SYTL2: variants seen among roughly 807,000 people sequenced by gnomAD.
SYTL2 encodes synaptotagmin like 2, also known as synaptotagmin-like protein 2.
SYTL2 carries 165 observed loss-of-function variants against 198.7 expected under a neutral mutation model. The ratio of observed to expected loss-of-function variants is 0.83; its 90% confidence interval spans 0.73 to 0.94. The LOEUF (loss-of-function observed/expected upper bound fraction) is 0.94. SYTL2 is among the 40% of genes least tolerant of loss of function. The pLI, the probability that SYTL2 is intolerant of heterozygous loss-of-function variation, is 0.00. For synonymous variants in SYTL2, 966 were observed against 917.7 expected (o/e 1.05, Z -0.95); for missense variants, 2,835 against 2,582.8 (o/e 1.10, Z -2.12).
upstream of SYTL2, among the ~76,000 whole-genome samples, chr11:85,815,111 A>T (rs1460586737): frequency 6.6e-6 from 1 of 152,234 alleles, no homozygotes; most frequent in Non-Finnish European, 1.5e-5. Context: ...ACTTATACAC[A>T]ATAGGCACTA....
chr11:85,844,462 G>C, the SYTL2 span, among the ~76,000 whole-genome samples: 3 of 152,098 alleles, frequency 2.0e-5, no homozygotes, highest in African/African-American at 4.8e-5. Flanking sequence ...ATGGAAGTTA[G>C]AATGTATACT....
At chr11:85,764,504 T>A (rs758237237) in intron 1 of SYTL2, among the ~76,000 whole-genome samples, 1 of 152,206 alleles carries the variant, frequency 6.6e-6, no homozygotes, top group Non-Finnish European at 1.5e-5. Context: ...TTTCACTGCA[T>A]CACTAATCCC....
intron 19 of SYTL2, among the ~76,000 whole-genome samples, chr11:85,695,901 T>C (rs1324600150): frequency 6.6e-6 from 1 of 152,228 alleles, no homozygotes; most frequent in Non-Finnish European, 1.5e-5. Context: ...GGACCATAAA[T>C]GTTTTTGCAG....
intron 1 of SYTL2, among the ~76,000 whole-genome samples, chr11:85,783,407 C>A (rs1466798765): frequency 6.6e-6 from 1 of 152,148 alleles, no homozygotes; most frequent in Non-Finnish European, 1.5e-5. Context: ...ATGGGAACTA[C>A]AATTCAAGAT....
intron 1 of SYTL2, among the ~76,000 whole-genome samples, chr11:85,807,650 G>GT (rs1566045890): frequency 1.3e-5 from 2 of 152,178 alleles, no homozygotes; most frequent in African/African-American, 2.4e-5. Flanking sequence ...GTGCAAATTA[G>GT]TTTTTTAATT....
chr11:85,757,705 C>T lies in SYTL2; in HGVS notation c.21G>A (p.Leu7=). The change falls in exon 2 of 20, where the codon CTG becomes CTA. Residue 7 remains leucine (L), a synonymous_variant. Coordinates refer to ENST00000359152, the MANE Select transcript of SYTL2 (RefSeq NM_206927.4). MIDLSF[L]TEEEQEAIMK... ...TGATGGCCTCTTGTTCCTCTTCAGT[C>T]AGGAAGCTTAAGTCAATCATTTTGA... 6.2e-7 allele frequency: 1 copy of T among 1,613,324 alleles called. No individual in the cohort carries two copies. Among genetic ancestry groups the T allele is most frequent in the Non-Finnish European group, 8.5e-7 (1 of 1,179,934 alleles).
chr11:85,833,218 T>TA, the SYTL2 span, among the ~76,000 whole-genome samples: 2 of 149,442 alleles, frequency 1.3e-5, no homozygotes, highest in African/African-American at 4.9e-5. Context: ...AACAATCCTT[T>TA]AAAAAAATTA....
intron 16 of SYTL2, 126 bp downstream of exon 16, chr11:85,704,732 T>G: frequency 4.5e-6 from 3 of 662,646 alleles, no homozygotes; most frequent in Non-Finnish European, 7.3e-6. Context: ...TTCTTTTTTT[T>G]CCTCTAGTTT....
Position 85,726,227 on chromosome 11 carries a change from T to C in SYTL2, c.3131A>G (p.Lys1044Arg), listed in dbSNP as rs776216342. The C allele has an allele frequency of 6.2e-7, 1 of 1,613,128 alleles. No homozygotes were observed. Among genetic ancestry groups the C allele is most frequent in the South Asian group, 1.1e-5 (1 of 90,760 alleles). Residue 1044 changes from lysine to arginine, a missense_variant, in exon 8 of 20, where the codon AAA (lysine) becomes AGA (arginine). Transcript: ENST00000359152. ...CTCCATTTCCTCTCTTGCCATAACT[T>C]TTTTTGGGCTTAGAAGCACCTCTGC... ...HEAEVLLSPK[K>R]VMAREEMEKL... is the part of the protein sequence containing the mutation.
At chr11:85,836,736 AT>A in the SYTL2 span, among the ~76,000 whole-genome samples, 3 of 152,130 alleles carry the variant, frequency 2.0e-5, no homozygotes, top group African/African-American at 7.2e-5. Flanking sequence ...AATATATTAC[AT>A]ATTATATTTT....
chr11:85,725,725 A>T lies in SYTL2; in HGVS notation c.3633T>A (p.Ala1211=), dbSNP rs1449872734. The change falls in exon 8 of 20, where the codon GCT becomes GCA. Residue 1211 remains alanine, a synonymous_variant. Coordinates refer to ENST00000359152, the MANE Select transcript of SYTL2 (RefSeq NM_206927.4). The part of the protein sequence containing the change: ...HPKVKRNSLT[A]SLDKLLKEAT... ...CTTCCTTCAGGAGTTTGTCTAGACTAGCAGTCAAAGAGTTCCGTTTAACCT... is the reference window on the plus strand; with the variant it reads ...CTTCCTTCAGGAGTTTGTCTAGACTTGCAGTCAAAGAGTTCCGTTTAACCT... The T allele has an allele frequency of 1.9e-6, 3 of 1,613,966 alleles. No individual in the cohort carries two copies. The Admixed American group carries it at 5.0e-5, about 27-fold the overall frequency.
chr11:85,696,413 G>GAA, intron 18 of SYTL2, 25 bp from the exon 19 acceptor site: 6 of 1,567,038 alleles, frequency 3.8e-6, no homozygotes, highest in Non-Finnish European at 5.3e-6. Context: ...ATGATTGTGG[G>GAA]AGCATTTTAG....
chr11:85,713,880 G>A (rs2086727962), intron 12 of SYTL2, among the ~76,000 whole-genome samples: 1 of 152,140 alleles, frequency 6.6e-6, no homozygotes, highest in Non-Finnish European at 1.5e-5. Context: ...AGCTGAGTGA[G>A]GTTAATCTCC....
At chr11:85,741,798 G>T (rs2090809907) in intron 4 of SYTL2, among the ~76,000 whole-genome samples, 2 of 152,194 alleles carry the variant, frequency 1.3e-5, no homozygotes, top group Non-Finnish European at 2.9e-5. Flanking sequence ...AAGAGCTAAA[G>T]ATGTGGCTTT....
rs113150175 is a variant in SYTL2, at chr11:85,720,267, G to A, written c.5428+591C>T. On this transcript the variant is annotated intron_variant, in intron 9 of 19. Transcript: ENST00000359152. ...TGAAGCCAGGGACTAATTCAACTCC[G>A]TATCATGCAAAATTCACTGGACATC... Among the ~76,000 whole-genome samples the A allele has an allele frequency of 9.2e-5, 14 of 152,276 alleles. 1 individual carries two copies. Among genetic ancestry groups the A allele is most frequent in the African/African-American group, 2.9e-4 (12 of 41,548 alleles).
the SYTL2 span, among the ~76,000 whole-genome samples, chr11:85,849,718 G>A: frequency 6.7e-6 from 1 of 149,252 alleles, no homozygotes; most frequent in Non-Finnish European, 1.5e-5. Flanking sequence ...AGTCAGGTAG[G>A]GTGATGCCTC....
rs573595153 is a variant in SYTL2 at position 85,705,001 on chromosome 11, T to A, written c.6046A>T (p.Thr2016Ser). 360 of 1,612,268 alleles carry A rather than the reference T, an allele frequency of 2.2e-4. 6 individuals carry two copies. The South Asian group carries it at 3.8e-3, about 17-fold the overall frequency. The change falls in exon 16 of 20, where the codon ACA becomes TCA. Residue 2016 changes from threonine (T) to serine (S), a missense_variant. Transcript: ENST00000359152. ...RYKIEKQILK[T>S]QKLNLSIWHR... Reference sequence around the variant, plus strand: ...CAAATGGACAGGTTCAATTTCTGTGTCTTTAAGATTTGTTTTTCAATTTTA... The same window carrying A: ...CAAATGGACAGGTTCAATTTCTGTGACTTTAAGATTTGTTTTTCAATTTTA...
chr11:85,747,935 T>C (rs2091271012), intron 3 of SYTL2, among the ~76,000 whole-genome samples: 1 of 152,228 alleles, frequency 6.6e-6, no homozygotes, highest in South Asian at 2.1e-4. Context: ...TCTTTTTGTC[T>C]AAGCCCTTCA....
chr11:85,757,659 C>T lies in SYTL2; in HGVS notation c.67G>A (p.Ala23Thr). Reference protein sequence around the residue: ...EAIMKVLQRDAALKRAEEERV... With the variant: ...EAIMKVLQRDTALKRAEEERV... The stretch of plus-strand genomic sequence containing the variant: ...TCTTCTTCGGCCCTCTTCAGAGCAG[C>T]ATCCCGCTGCAAAACCTTCATGATG... Residue 23 changes from alanine (A) to threonine (T), a missense_variant, in exon 2 of 20, where the codon GCT becomes ACT. This residue lies in a region of SYTL2 where 2,645 missense variants were observed against 2,381.7 expected (regional missense o/e 1.11). Transcript: ENST00000359152. 2 of 1,613,916 alleles carry T rather than the reference C, an allele frequency of 1.2e-6. No homozygotes were observed. The highest frequency in any genetic ancestry group is 2.2e-5 in the South Asian group (2 of 91,084).
Sources: allele counts gnomAD v4.1 joint callset (sites outside exome capture counted in the v4.1 genomes callset), GRCh38; gene constraint gnomAD v4.1.1; regional missense constraint gnomAD v4.1.1; transcripts MANE v1.5; gene names NCBI Gene and HGNC (gene_info 2026-07-23, HGNC 2026-07-21).